The following F7 variants were observed in gnomAD, a reference collection of about 807,000 sequenced individuals.
F7 encodes coagulation factor VII, also known as FVII coagulation protein.
Under a neutral mutation model 47.5 loss-of-function variants are expected in F7, and 38 were observed. The ratio of observed to expected loss-of-function variants is 0.80; its 90% CI spans 0.62 to 1.05. The LOEUF is 1.05. F7 is among the 50% of genes least tolerant of loss of function. The pLI is 0.00. For missense variants in F7, 575 were observed against 605.4 expected (o/e 0.95, Z 0.53); for synonymous variants, 244 against 258.5 (o/e 0.94, Z 0.54).
Position 113,118,546 on chromosome 13 carries a change from C to A in F7, c.873C>A (p.Val291=), listed in dbSNP as rs751627485. ...TGCTCCGCCTGCACCAGCCCGTGGT[C>A]CTCACTGACCATGTGGTGCCCCTCT... The part of the protein sequence containing the change: ...IALLRLHQPV[V]LTDHVVPLCL... The change falls in exon 8 of 8, where the codon GTC becomes GTA. Residue 291 remains valine, a synonymous_variant. Coordinates refer to ENST00000346342, the MANE Select transcript of F7 (RefSeq NM_019616.4). The A allele has an allele frequency of 1.2e-6, 2 of 1,612,526 alleles. No individual in the cohort carries two copies. The highest frequency in any genetic ancestry group is 1.7e-6 in the Non-Finnish European group (2 of 1,179,878).
At chr13:113,109,887 G>GGAGCTGA (rs1203514497) in intron 1 of F7, among the ~76,000 whole-genome samples, 1 of 152,232 alleles carries the variant, frequency 6.6e-6, no homozygotes, top group East Asian at 1.9e-4. Context: ...CGGCCTGCTC[G>GGAGCTGA]GAGCTGAGCG....
At chr13:113,114,363 A>T (rs1029948517) in intron 4 of F7, among the ~76,000 whole-genome samples, 1 of 151,556 alleles carries the variant, frequency 6.6e-6, no homozygotes, top group Middle Eastern at 3.2e-3. Flanking sequence ...ATATTAAATT[A>T]TCACAAAGTT....
intron 1 of F7, among the ~76,000 whole-genome samples, chr13:113,107,119 T>C (rs893429670): frequency 1.3e-5 from 2 of 152,132 alleles, no homozygotes; most frequent in African/African-American, 4.8e-5. Flanking sequence ...TGCTCCATTC[T>C]GTTCCTTCCA....
In F7 at chr13:113,110,846, G is replaced by A; in HGVS notation, c.221G>A (p.Arg74Lys). The change falls in exon 2 of 8, where the codon AGG becomes AAG. Residue 74 changes from arginine (R) to lysine (K), a missense_variant. Arg to Lys is a conservative substitution (Grantham distance 26). Coordinates refer to ENST00000346342, the MANE Select transcript of F7 (RefSeq NM_019616.4). The stretch of plus-strand genomic sequence containing the variant: ...CGGGAGATCTTCAAGGACGCGGAGA[G>A]GACGGTGAGCCCAGCCTCGGGGCGC... ...EAREIFKDAERTKLFWISYSD... is the reference protein window; with the variant it reads ...EAREIFKDAEKTKLFWISYSD... The A allele has an allele frequency of 1.3e-6, 2 of 1,559,504 alleles. No homozygotes were observed. Among genetic ancestry groups the A allele is most frequent in the Non-Finnish European group, 1.7e-6 (2 of 1,152,470 alleles).
At chr13:113,114,017 T>G in intron 4 of F7, 57 bp downstream of exon 4, 1 of 1,596,224 alleles carries the variant, frequency 6.3e-7, no homozygotes, top group Non-Finnish European at 8.6e-7. Context: ...CTGGTGGAGG[T>G]GGCCTGGCCA....
intron 1 of F7, among the ~76,000 whole-genome samples, chr13:113,107,258 G>T (rs2142200732): frequency 1.4e-5 from 1 of 69,034 alleles, no homozygotes; most frequent in East Asian, 3.5e-4. Flanking sequence ...TGTCCCGGGA[G>T]TGTGGGTGTC....
In F7 at chr13:113,113,068, G is replaced by T. The variant is rs138999282; in HGVS notation, c.226-684G>T. On this transcript the variant is annotated intron_variant, in intron 2 of 7. Coordinates refer to ENST00000346342, the MANE Select transcript of F7 (RefSeq NM_019616.4). The surrounding 1 kb of genome is among the most constrained non-coding windows in gnomAD (Gnocchi z 4.1). ...TACACTCATCTCACACTCACAGGTC[G>T]CCACACCTCACACTCACAGGATGCC... is the stretch of plus-strand genomic sequence containing the variant. 6.7e-6 allele frequency among the ~76,000 whole-genome samples: 1 copy of T among 149,590 alleles called. No individual in the cohort carries two copies.
Position 113,113,687 on chromosome 13 carries a change from A to C in F7, c.226-65A>C, listed in dbSNP as rs1441993709. 2.6e-6 allele frequency: 4 copies of C among 1,525,142 alleles called. No individual in the cohort carries two copies. In the African/African-American group the frequency reaches 5.5e-5, roughly 21 times the overall value. 94.5% of individuals were successfully genotyped at this position (1,525,142 alleles called of 1,614,324 possible). ...CCCAACCCCAGTTCATGGTGTGTCC[A>C]GTGCTTACCGTTGGGTGCTCTGGTG... is the stretch of plus-strand genomic sequence containing the variant. On this transcript the variant is annotated intron_variant, in intron 2 of 7. Transcript: ENST00000346342. The surrounding 1 kb of genome is among the most constrained non-coding windows in gnomAD (Gnocchi z 4.1).
rs372452455 is a variant in F7, at chr13:113,118,992, G to A, written c.1319G>A (p.Arg440Gln). The A allele has an allele frequency of 2.2e-5, 35 of 1,600,006 alleles. No homozygotes were observed. Among genetic ancestry groups the A allele is most frequent in the Non-Finnish European group, 2.9e-5 (34 of 1,179,918 alleles). Residue 440 changes from arginine to glutamine, a missense_variant, in exon 8 of 8, where the codon CGA becomes CAA. Arg to Gln is a conservative substitution (Grantham distance 43, BLOSUM62 1). Transcript: ENST00000346342. ...GAGCCACGCCCAGGAGTCCTCCTGCGAGCCCCATTTCCCTAGCCCAGCAGC... is the reference window on the plus strand; with the variant it reads ...GAGCCACGCCCAGGAGTCCTCCTGCAAGCCCCATTTCCCTAGCCCAGCAGC... ...RSEPRPGVLL[R>Q]APFP is the part of the protein sequence containing the mutation.
chr13:113,114,852 C>T (rs945180285), intron 4 of F7: 4 of 152,870 alleles, frequency 2.6e-5, no homozygotes, highest in Non-Finnish European at 5.8e-5. Flanking sequence ...GGAGCCAAGG[C>T]AAAGGCTACC....
At chr13:113,110,977 G>GCGCTTTCTGCGGGGGT (rs2036081880) in intron 2 of F7, 127 bp downstream of exon 2, 2 of 1,130,076 alleles carry the variant, frequency 1.8e-6, no homozygotes, top group Non-Finnish European at 2.4e-6. Flanking sequence ...CGCCCGCGCG[G>GCGCTTTCTGCGGGGGT]CGCTTTCTGC....
Position 113,116,852 on chromosome 13 carries a change from C to A in F7, c.592C>A (p.Pro198Thr). Residue 198 changes from proline to threonine, a missense_variant, in exon 6 of 8, where the codon CCC (proline) becomes ACC (threonine). Transcript: ENST00000346342. ...CCGAATTGTGGGGGGCAAGGTGTGCCCCAAAGGGGAGTGTCCATGGCAGGT... is the reference window on the plus strand; with the variant it reads ...CCGAATTGTGGGGGGCAAGGTGTGCACCAAAGGGGAGTGTCCATGGCAGGT... ...QGRIVGGKVC[P>T]KGECPWQVLL... 1 of 1,613,694 alleles carries A rather than the reference C, an allele frequency of 6.2e-7. No homozygotes were observed. The highest frequency in any genetic ancestry group is 8.5e-7 in the Non-Finnish European group (1 of 1,179,966).
chr13:113,115,581 C>A, intron 4 of F7, 79 bp from the exon 5 acceptor site: 1 of 1,533,904 alleles, frequency 6.5e-7, no homozygotes, highest in Non-Finnish European at 8.9e-7. Context: ...CACTGCTGAC[C>A]CAGGGCATGG....
chr13:113,117,283 C>T (rs2036210300), intron 6 of F7, among the ~76,000 whole-genome samples, 190 bp from the exon 7 acceptor site: 1 of 152,246 alleles, frequency 6.6e-6, no homozygotes, highest in African/African-American at 2.4e-5. Flanking sequence ...GAGCACGTCT[C>T]GGCTAGAGAG....
At chr13:113,115,857 T>C in intron 5 of F7, 57 bp downstream of exon 5, 1 of 1,610,012 alleles carries the variant, frequency 6.2e-7, no homozygotes, top group Non-Finnish European at 8.5e-7. Flanking sequence ...CCACTACGGA[T>C]TATCTTACTG....
At chr13:113,115,031 G>A (rs1240076819) in intron 4 of F7, 1 of 159,978 alleles carries the variant, frequency 6.3e-6, no homozygotes, top group Non-Finnish European at 1.4e-5. Flanking sequence ...CAGAATGCCT[G>A]GAGATCTCTG....
In F7 at chr13:113,110,725, C is replaced by T. The variant is rs994334126; in HGVS notation, c.100C>T (p.His34Tyr). The T allele has an allele frequency of 6.5e-7, 1 of 1,548,708 alleles. No individual in the cohort carries two copies. The highest frequency in any genetic ancestry group is 8.7e-7 in the Non-Finnish European group (1 of 1,146,558). Residue 34 changes from histidine (H) to tyrosine (Y), a missense_variant, in exon 2 of 8, where the codon CAC (histidine) becomes TAC (tyrosine). By Grantham distance (83) the His-to-Tyr change is moderately conservative (BLOSUM62 2). Coordinates refer to ENST00000346342, the MANE Select transcript of F7 (RefSeq NM_019616.4). ...CCAGGAGGAAGCCCACGGCGTCCTG[C>T]ACCGGCGCCGGCGCGCCAACGCGTT... ...VTQEEAHGVL[H>Y]RRRRANAFLE...
intron 1 of F7, among the ~76,000 whole-genome samples, chr13:113,109,686 C>T (rs2036051886): frequency 6.6e-6 from 1 of 152,278 alleles, no homozygotes; most frequent in East Asian, 1.9e-4. Flanking sequence ...CGCGTCCTCT[C>T]AGCCCCGCTC....
chr13:113,114,041 G>T (rs1426356493), intron 4 of F7, 81 bp downstream of exon 4: 3 of 1,473,638 alleles, frequency 2.0e-6, no homozygotes, highest in Admixed American at 1.8e-5. Flanking sequence ...GGGCTGCAGG[G>T]TGCACAACCT....
Sources: gnomAD v4.1 joint callset for allele counts (sites outside exome capture counted in the v4.1 genomes callset) on GRCh38, gnomAD v4.1.1 for gene constraint, Gnocchi (gnomAD v3.1) non-coding constraint, MANE v1.5 for transcripts, NCBI Gene and HGNC (gene_info 2026-07-23, HGNC 2026-07-21) for gene names.